Variants in CCSER1 observed in about 807,000 individuals in gnomAD.
CCSER1 encodes the protein serine-rich coiled-coil domain-containing protein 1.
CCSER1 carries 41 observed loss-of-function variants against 82.0 expected under a neutral mutation model. That is an observed-to-expected ratio of 0.50 (90% CI 0.39 to 0.65). The LOEUF (loss-of-function observed/expected upper bound fraction) is 0.65. Among genes scored for constraint, CCSER1 ranks in the 30% least tolerant of loss-of-function variants. The pLI is 0.00. For missense variants in CCSER1, 1,119 were observed against 1,064.2 expected (o/e 1.05, Z -0.72); for synonymous variants, 414 against 383.9 (o/e 1.08, Z -0.92).
At chr4:90,609,669 G>T (rs1198064303) in intron 5 of CCSER1, among the ~76,000 whole-genome samples, 1 of 152,038 alleles carries the variant, frequency 6.6e-6, no homozygotes, top group African/African-American at 2.4e-5. Context: ...TATTCATTAG[G>T]CATTAGATAC....
chr4:91,405,121 G>A (rs1428120059), intron 10 of CCSER1, among the ~76,000 whole-genome samples: 1 of 152,044 alleles, frequency 6.6e-6, no homozygotes, highest in African/African-American at 2.4e-5. Context: ...AGCTCTTCTT[G>A]TTGAATTGAT....
At chr4:90,641,950 G>A in intron 6 of CCSER1, 1 of 345,420 alleles carries the variant, frequency 2.9e-6, no homozygotes, top group South Asian at 2.1e-5. Flanking sequence ...TTTTCTTCAT[G>A]AATCCAGCAT....
Position 91,085,931 on chromosome 4 carries a change from C to A in CCSER1, c.2173-19C>A. On this transcript the variant is annotated intron_variant, in intron 9 of 10. Transcript: ENST00000509176. ...ATTCTTCGTTGCCAATAATAATATA[C>A]TTTGCTTTTCTTTTTCAGGGTTTAA... is the stretch of plus-strand genomic sequence containing the variant. 1.4e-6 allele frequency: 2 copies of A among 1,400,176 alleles called. No homozygotes were observed. Among genetic ancestry groups the A allele is most frequent in the Non-Finnish European group, 2.0e-6 (2 of 1,011,170 alleles). The allele number at this position is 1,400,176 out of a possible 1,614,324, so 86.7% of individuals were successfully genotyped here.
intron 9 of CCSER1, among the ~76,000 whole-genome samples, chr4:90,994,484 C>T (rs1318877150): frequency 6.9e-6 from 1 of 144,816 alleles, no homozygotes; most frequent in Non-Finnish European, 1.5e-5. Flanking sequence ...ACATGCTTCA[C>T]ATGGTAAAGT....
chr4:91,037,232 T>TCATA (rs1741512329), intron 9 of CCSER1, among the ~76,000 whole-genome samples: 1 of 146,318 alleles, frequency 6.8e-6, no homozygotes, highest in African/African-American at 2.5e-5. Flanking sequence ...TCTATCTCTG[T>TCATA]CACACACACA....
intron 8 of CCSER1, among the ~76,000 whole-genome samples, chr4:90,914,663 T>C (rs1727006906): frequency 7.8e-6 from 1 of 127,930 alleles, no homozygotes; most frequent in Admixed American, 8.0e-5. Flanking sequence ...TTGAAGGAAA[T>C]AGAGACACAA....
intron 10 of CCSER1, among the ~76,000 whole-genome samples, chr4:91,512,169 T>C (rs1020542588): frequency 6.6e-6 from 1 of 152,184 alleles, no homozygotes; most frequent in Non-Finnish European, 1.5e-5. Flanking sequence ...CGTTTTTGGG[T>C]GTGTCTATTA....
intron 9 of CCSER1, among the ~76,000 whole-genome samples, chr4:91,074,540 T>C (rs1176739253): frequency 6.6e-6 from 1 of 152,210 alleles, no homozygotes; most frequent in Non-Finnish European, 1.5e-5. Flanking sequence ...CTAGAAGTTA[T>C]ACAGTTTTTA....
Position 90,365,100 on chromosome 4 carries a change from A to C in CCSER1, c.1510-34936A>C, listed in dbSNP as rs557987717. Among the ~76,000 whole-genome samples the C allele has an allele frequency of 6.8e-4, 103 of 151,970 alleles. 1 individual carries two copies. In the South Asian group the frequency reaches 0.021, roughly 31 times the overall value. ...CAGTGAAATTAGTAGTATTGCATATATTTTTGAGGGGAAAAAGATAAAAGG... is the reference window on the plus strand; with the variant it reads ...CAGTGAAATTAGTAGTATTGCATATCTTTTTGAGGGGAAAAAGATAAAAGG... On this transcript the variant is annotated intron_variant, in intron 3 of 10. Coordinates refer to ENST00000509176, the MANE Select transcript of CCSER1 (RefSeq NM_001145065.2).
chr4:90,812,305 T>C (rs1319160979), intron 7 of CCSER1, among the ~76,000 whole-genome samples: 1 of 152,180 alleles, frequency 6.6e-6, no homozygotes, highest in African/African-American at 2.4e-5. Flanking sequence ...TTAATCTCCA[T>C]TGGCAACAGC....
rs192610190 is a variant in CCSER1, at chr4:91,229,515, A to G, written c.2217+143521A>G. Among the ~76,000 whole-genome samples, 430 of 152,190 alleles carry G rather than the reference A, an allele frequency of 2.8e-3. 2 individuals are homozygous for G. The highest frequency in any genetic ancestry group is 5.0e-3 in the Non-Finnish European group (338 of 67,978). On this transcript the variant is annotated intron_variant, in intron 10 of 10. Coordinates refer to ENST00000509176, the MANE Select transcript of CCSER1 (RefSeq NM_001145065.2). ...TTTAAAAAATTTGATTTCTCATTCT[A>G]CTGTAAAGACACATGCACATGTATG...
At chr4:90,456,428 T>G (rs1484896335) in intron 4 of CCSER1, among the ~76,000 whole-genome samples, 3 of 152,082 alleles carry the variant, frequency 2.0e-5, no homozygotes, top group African/African-American at 7.2e-5. Context: ...AAAGAAAGAA[T>G]GATAGGAAAG....
chr4:90,547,037 G>T (rs538718942), intron 5 of CCSER1, among the ~76,000 whole-genome samples: 1 of 151,976 alleles, frequency 6.6e-6, no homozygotes, highest in Non-Finnish European at 1.5e-5. Context: ...AGATTTGCTG[G>T]AATAATTATT....
rs551780114 is a variant in CCSER1 at position 90,300,242 on chromosome 4, TTA to T, written c.-41-8000_-41-7999del. On this transcript the variant is annotated intron_variant, in intron 1 of 10. Transcript: ENST00000509176. ...TTATATACGTCTTTTCAGTATTATT[TTA>T]TGTCATTTTTAATAGACTGGTTGGG... 2.2e-3 allele frequency among the ~76,000 whole-genome samples: 331 copies of T among 152,302 alleles called. 2 individuals carry two copies. The highest frequency in any genetic ancestry group is 7.4e-3 in the African/African-American group (309 of 41,564).
At chr4:91,474,640 C>A (rs1284798257) in intron 10 of CCSER1, among the ~76,000 whole-genome samples, 1 of 151,266 alleles carries the variant, frequency 6.6e-6, no homozygotes, top group Non-Finnish European at 1.5e-5. Context: ...GGATATGTTG[C>A]AATCTATGAA....
chr4:90,947,843 T>A (rs1732443400), intron 9 of CCSER1, among the ~76,000 whole-genome samples: 1 of 152,136 alleles, frequency 6.6e-6, no homozygotes, highest in Non-Finnish European at 1.5e-5. Context: ...TATGCTTTGC[T>A]TGATCCAGAA....
At chr4:91,043,440 A>C (rs1301258965) in intron 9 of CCSER1, among the ~76,000 whole-genome samples, 3 of 152,144 alleles carry the variant, frequency 2.0e-5, no homozygotes, top group Non-Finnish European at 4.4e-5. Context: ...CAGTGTTCAG[A>C]TTGATAGGCC....
chr4:90,957,923 C>A (rs1256713242), intron 9 of CCSER1, among the ~76,000 whole-genome samples: 1 of 151,552 alleles, frequency 6.6e-6, no homozygotes. Flanking sequence ...CAAACTTACA[C>A]CTGCAGCAAG....
At chr4:90,849,744 G>T (rs372033251) in intron 8 of CCSER1, among the ~76,000 whole-genome samples, 6 of 147,962 alleles carry the variant, frequency 4.1e-5, no homozygotes, top group African/African-American at 1.5e-4. Context: ...AGCCGTGATC[G>T]TGCCACTGCA....
Sources: allele counts gnomAD v4.1 joint callset (sites outside exome capture counted in the v4.1 genomes callset), GRCh38; gene constraint gnomAD v4.1.1; transcripts MANE v1.5; gene names NCBI Gene and HGNC (gene_info 2026-07-23, HGNC 2026-07-21).